Variants in SPECC1 observed in about 807,000 individuals in gnomAD.
The protein encoded by SPECC1 is cytospin-B.
A neutral mutation model predicts 104.1 loss-of-function variants in SPECC1; 62 were observed. That is an observed-to-expected ratio of 0.60 (90% CI 0.49 to 0.74). The LOEUF (loss-of-function observed/expected upper bound fraction) is 0.74, where lower values mean the gene tolerates loss of function less well. Among genes scored for constraint, SPECC1 ranks in the 30% least tolerant of loss-of-function variants. SPECC1 has a pLI of 0.00. For missense variants in SPECC1, 1,306 were observed against 1,310.5 expected (o/e 1.00, Z 0.05); for synonymous variants, 513 against 501.6 (o/e 1.02, Z -0.30).
intron 1 of SPECC1, among the ~76,000 whole-genome samples, chr17:20,087,758 G>A (rs552569871): frequency 7.8e-4 from 119 of 152,330 alleles, no homozygotes; most frequent in Non-Finnish European, 1.3e-3. Flanking sequence ...GCACAGGAAG[G>A]CAGATAACCC....
intron 1 of SPECC1, among the ~76,000 whole-genome samples, chr17:20,026,751 T>C (rs2044615496): frequency 6.6e-6 from 1 of 152,124 alleles, no homozygotes; most frequent in South Asian, 2.1e-4. Context: ...AACATGAGAG[T>C]GCATATATTT....
intron 3 of SPECC1, among the ~76,000 whole-genome samples, chr17:20,189,754 G>T (rs1387105911): frequency 2.0e-5 from 3 of 152,180 alleles, no homozygotes; most frequent in Non-Finnish European, 2.9e-5. Flanking sequence ...GAAACAGGAG[G>T]AGTAGATTTA....
At chr17:20,035,052 C>T (rs779282543) in intron 1 of SPECC1, among the ~76,000 whole-genome samples, 1 of 152,168 alleles carries the variant, frequency 6.6e-6, no homozygotes, top group Non-Finnish European at 1.5e-5. Context: ...GACATATCTT[C>T]CCCCGTTGAA....
At chr17:20,301,012 C>CT (rs2041558515) in intron 13 of SPECC1, among the ~76,000 whole-genome samples, 1 of 152,190 alleles carries the variant, frequency 6.6e-6, no homozygotes. Flanking sequence ...AACCAGCCTC[C>CT]TGTTTCCTAA....
rs371116316 is a variant in SPECC1 at position 20,314,700 on chromosome 17, C to CA, written c.*644dup. On this transcript the variant is annotated 3_prime_UTR_variant, in exon 15 of 15. Coordinates refer to ENST00000395527, the MANE Select transcript of SPECC1 (RefSeq NM_001243439.2). ...AACCCTCCCTTCCCCCCTCCCCCCCCAAAAAAAAACAACAAAACACAAAAA... is the reference window on the plus strand; with the variant it reads ...AACCCTCCCTTCCCCCCTCCCCCCCCAAAAAAAAAACAACAAAACACAAAAA... 8.0e-4 allele frequency: 152 copies of CA among 189,640 alleles called. 1 individual carries two copies. Among genetic ancestry groups the CA allele is most frequent in the Admixed American group, 1.5e-3 (23 of 15,390 alleles). The allele number at this position is 189,640 out of a possible 1,614,324, so 11.7% of individuals were successfully genotyped here.
At position 20,205,859 on chromosome 17, in the gene SPECC1, G is replaced by C; in HGVS notation, c.1810G>C (p.Glu604Gln). Reference sequence around the variant, plus strand: ...ACTGTCTTGCAATGAGCTCAGACAAGAATTACTAAAGGCAAACGGTGAAAT... The same window carrying C: ...ACTGTCTTGCAATGAGCTCAGACAACAATTACTAAAGGCAAACGGTGAAAT... ...LELSCNELRQELLKANGEIKH... is the reference protein window; with the variant it reads ...LELSCNELRQQLLKANGEIKH... The change falls in exon 4 of 15, where the codon GAA (glutamate) becomes CAA (glutamine). Residue 604 changes from glutamate to glutamine, a missense_variant. Around this residue, in one of 2 missense-constraint regions of SPECC1, gnomAD observed 1,177 missense variants for 1,139.9 expected, o/e 1.03. Transcript: ENST00000395527. 6 of 1,613,930 alleles carry C rather than the reference G, an allele frequency of 3.7e-6. No homozygotes were observed. The highest frequency in any genetic ancestry group is 4.2e-6 in the Non-Finnish European group (5 of 1,180,008).
intron 3 of SPECC1, among the ~76,000 whole-genome samples, chr17:20,128,927 CTG>C (rs1215616365): frequency 1.3e-5 from 2 of 152,144 alleles, no homozygotes; most frequent in Non-Finnish European, 2.9e-5. Context: ...GCGTCACACT[CTG>C]TAACACAGGC....
intron 7 of SPECC1, among the ~76,000 whole-genome samples, chr17:20,243,887 C>T (rs1188228540): frequency 6.6e-6 from 1 of 151,928 alleles, no homozygotes; most frequent in Non-Finnish European, 1.5e-5. Flanking sequence ...AATGATTGTC[C>T]TTGGGGGCCT....
chr17:20,050,970 T>C lies in SPECC1; in HGVS notation c.-22+41546T>C, dbSNP rs556662756. Among the ~76,000 whole-genome samples the C allele has an allele frequency of 5.9e-5, 9 of 152,358 alleles. No individual in the cohort carries two copies. In the South Asian group the frequency reaches 1.2e-3, roughly 21 times the overall value. ...AAGCATATATTTGTTGTTATGATCT[T>C]GCAAGTTTGCTAACTGCTTTACTGA... On this transcript the variant is annotated intron_variant, in intron 1 of 14. Coordinates refer to ENST00000395527, the MANE Select transcript of SPECC1 (RefSeq NM_001243439.2).
intron 12 of SPECC1, among the ~76,000 whole-genome samples, chr17:20,278,816 A>G (rs1459467633): frequency 1.3e-5 from 2 of 151,994 alleles, no homozygotes; most frequent in African/African-American, 4.8e-5. Context: ...GCCAATTTAC[A>G]CTTTAAAATT....
rs565514180 is a variant in SPECC1 at position 20,191,316 on chromosome 17, C to T, written c.284-13017C>T. The stretch of plus-strand genomic sequence containing the variant: ...AGGAAACCACCAAACTGTCTTCCAA[C>T]GTGGCTGAATTATTTTGCGTTCCTA... On this transcript the variant is annotated intron_variant, in intron 3 of 14. Coordinates refer to ENST00000395527, the MANE Select transcript of SPECC1 (RefSeq NM_001243439.2). Among the ~76,000 whole-genome samples the T allele has an allele frequency of 2.6e-5, 4 of 152,282 alleles. No individual in the cohort carries two copies. In the East Asian group the frequency reaches 5.8e-4, roughly 22 times the overall value.
At chr17:20,016,807 C>CGGGCGCA (rs1206061413) in intron 1 of SPECC1, among the ~76,000 whole-genome samples, 2 of 152,228 alleles carry the variant, frequency 1.3e-5, no homozygotes, top group Non-Finnish European at 2.9e-5. Context: ...CTGAGGAGTG[C>CGGGCGCA]GGGCGCAGGG....
chr17:20,265,848 G>T (rs1391867737), intron 12 of SPECC1, among the ~76,000 whole-genome samples: 1 of 152,114 alleles, frequency 6.6e-6, no homozygotes, highest in African/African-American at 2.4e-5. Flanking sequence ...GCTGAATAGG[G>T]AATTCTCTTC....
intron 4 of SPECC1, among the ~76,000 whole-genome samples, chr17:20,222,300 C>CTCCA (rs1436046496): frequency 1.3e-5 from 2 of 152,100 alleles, no homozygotes; most frequent in Non-Finnish European, 2.9e-5. Flanking sequence ...CACCACCACA[C>CTCCA]TCCAGCCTGG....
At chr17:20,141,228 T>A (rs2030756113) in intron 3 of SPECC1, among the ~76,000 whole-genome samples, 1 of 152,220 alleles carries the variant, frequency 6.6e-6, no homozygotes, top group African/African-American at 2.4e-5. Flanking sequence ...CCCATGTGTA[T>A]TTGTTAAGTC....
chr17:20,104,114 T>G (rs891737201), intron 2 of SPECC1, among the ~76,000 whole-genome samples: 9 of 152,154 alleles, frequency 5.9e-5, no homozygotes, highest in African/African-American at 2.2e-4. Flanking sequence ...GAGGTTACAA[T>G]CAGTTGGTTA....
At chr17:20,064,579 GC>G (rs2046300030) in intron 1 of SPECC1, among the ~76,000 whole-genome samples, 1 of 152,110 alleles carries the variant, frequency 6.6e-6, no homozygotes, top group South Asian at 2.1e-4. Context: ...CTGTCCCAGC[GC>G]CAGACGTCTT....
intron 5 of SPECC1, among the ~76,000 whole-genome samples, chr17:20,231,526 C>T (rs955048846): frequency 2.0e-5 from 3 of 152,230 alleles, no homozygotes; most frequent in African/African-American, 7.2e-5. Context: ...AACCTCAATA[C>T]ACATCACATA....
chr17:20,312,877 G>C (rs910076618), intron 14 of SPECC1, among the ~76,000 whole-genome samples: 14 of 152,172 alleles, frequency 9.2e-5, no homozygotes, highest in African/African-American at 3.1e-4. Context: ...TTTTGAATCA[G>C]GGGATGAATG....
Sources: allele counts gnomAD v4.1 joint callset (sites outside exome capture counted in the v4.1 genomes callset), GRCh38; gene constraint gnomAD v4.1.1; regional missense constraint gnomAD v4.1.1; transcripts MANE v1.5; gene names NCBI Gene and HGNC (gene_info 2026-07-23, HGNC 2026-07-21).